HDAC9: variants seen among roughly 807,000 people sequenced by gnomAD.
HDAC9 encodes MEF-2 interacting transcription repressor (MITR) protein.
HDAC9 carries 41 observed loss-of-function variants against 139.4 expected under a neutral mutation model. That is an observed-to-expected ratio of 0.29 (90% confidence interval 0.23 to 0.38). The LOEUF is 0.38. Among genes scored for constraint, HDAC9 ranks in the 10% least tolerant of loss-of-function variants. HDAC9 has a pLI of 1.00. For missense variants in HDAC9, 1,147 were observed against 1,297.0 expected, an observed-to-expected ratio of 0.88 and a Z score of 1.78; for synonymous variants, 517 against 476.2, an observed-to-expected ratio of 1.09 and a Z score of -1.12.
intron 12 of HDAC9, among the ~76,000 whole-genome samples, chr7:18,717,822 A>C (rs988710373): frequency 6.6e-6 from 1 of 152,228 alleles, no homozygotes; most frequent in Non-Finnish European, 1.5e-5. Flanking sequence ...CACTACATAA[A>C]TATGTGATAT....
intron 2 of HDAC9, among the ~76,000 whole-genome samples, chr7:18,527,933 A>C (rs1402677483): frequency 5.3e-5 from 8 of 152,132 alleles, no homozygotes; most frequent in Non-Finnish European, 1.0e-4. Context: ...ACTGATCCAT[A>C]AAAACTGGAT....
chr7:18,947,622 A>C (rs1782496980), intron 23 of HDAC9, among the ~76,000 whole-genome samples: 1 of 151,994 alleles, frequency 6.6e-6, no homozygotes, highest in Non-Finnish European at 1.5e-5. Context: ...TAAATTTACC[A>C]GGAGAAAACA....
chr7:18,778,684 AC>A (rs1380321542), intron 16 of HDAC9, among the ~76,000 whole-genome samples: 1 of 151,988 alleles, frequency 6.6e-6, no homozygotes, highest in Non-Finnish European at 1.5e-5. Context: ...TGGCCACATA[AC>A]CCACAGGAAT....
intron 1 of HDAC9, among the ~76,000 whole-genome samples, chr7:18,416,545 G>C (rs746589386): frequency 5.3e-5 from 8 of 152,026 alleles, no homozygotes; most frequent in Non-Finnish European, 1.0e-4. Context: ...TATTTTCTCT[G>C]TGGGAAGGTG....
intron 22 of HDAC9, among the ~76,000 whole-genome samples, chr7:18,893,751 G>A (rs375812730): frequency 6.6e-6 from 1 of 152,148 alleles, no homozygotes; most frequent in South Asian, 2.1e-4. Context: ...CGCAGGGAAA[G>A]GGTCAGATTT....
intron 2 of HDAC9, among the ~76,000 whole-genome samples, chr7:18,240,384 C>A (rs983340333): frequency 1.3e-5 from 2 of 152,052 alleles, no homozygotes; most frequent in African/African-American, 4.8e-5. Flanking sequence ...AAAGTACCTT[C>A]CTTGTATTGG....
At chr7:18,492,639 A>G (rs1796456324), upstream of HDAC9, among the ~76,000 whole-genome samples, 1 of 151,962 alleles carries the variant, frequency 6.6e-6, no homozygotes, top group African/African-American at 2.4e-5. Flanking sequence ...TAAACTACCC[A>G]TCTACCTAGC....
At chr7:18,393,751 TG>T (rs1207571157) in intron 1 of HDAC9, among the ~76,000 whole-genome samples, 2 of 152,188 alleles carry the variant, frequency 1.3e-5, no homozygotes, top group Non-Finnish European at 2.9e-5. Flanking sequence ...TTTGATTTTT[TG>T]TGTTTTGTGT....
chr7:18,538,304 C>T (rs1232763504), intron 2 of HDAC9, among the ~76,000 whole-genome samples: 1 of 152,082 alleles, frequency 6.6e-6, no homozygotes, highest in Non-Finnish European at 1.5e-5. Flanking sequence ...CACAGCTCAG[C>T]CACAGCCTTG....
At chr7:18,987,147 G>C (rs1051596035) in intron 25 of HDAC9, among the ~76,000 whole-genome samples, 1 of 152,226 alleles carries the variant, frequency 6.6e-6, no homozygotes, top group South Asian at 2.1e-4. Context: ...GCTTGTGCCA[G>C]TGTTCAAAGG....
chr7:18,769,206 A>G (rs17139894), intron 16 of HDAC9, among the ~76,000 whole-genome samples: 2,783 of 152,236 alleles, frequency 0.018, 81 homozygotes, highest in African/African-American at 0.057. Flanking sequence ...TTAATTCACT[A>G]TCCCTTCAAT....
At chr7:18,338,686 T>A (rs1446507400) in intron 1 of HDAC9, among the ~76,000 whole-genome samples, 1 of 151,578 alleles carries the variant, frequency 6.6e-6, no homozygotes, top group African/African-American at 2.4e-5. Flanking sequence ...TATATAGTGT[T>A]GTATTCTATT....
intron 21 of HDAC9, among the ~76,000 whole-genome samples, chr7:18,858,249 A>G (rs13347372): frequency 0.022 from 3,288 of 152,272 alleles, 124 homozygotes; most frequent in African/African-American, 0.075. Flanking sequence ...GGCTGCTGTG[A>G]AGAAATACCC....
chr7:18,686,292 A>T (rs1320991442), intron 12 of HDAC9, among the ~76,000 whole-genome samples: 1 of 152,016 alleles, frequency 6.6e-6, no homozygotes, highest in South Asian at 2.1e-4. Context: ...AATTATTTTC[A>T]TGGTAATGTT....
At chr7:18,492,494 A>G (rs1796444307), upstream of HDAC9, among the ~76,000 whole-genome samples, 1 of 151,952 alleles carries the variant, frequency 6.6e-6, no homozygotes, top group South Asian at 2.1e-4. Context: ...TAAATTGAGA[A>G]CCTGAGATTT....
chr7:18,499,724 T>C (rs760777500), intron 2 of HDAC9, among the ~76,000 whole-genome samples: 38 of 152,186 alleles, frequency 2.5e-4, no homozygotes, highest in Admixed American at 6.5e-4. Flanking sequence ...ATGTAAGATA[T>C]ATTTACAATA....
At chr7:18,128,858 T>G (rs76042712) in intron 1 of HDAC9, among the ~76,000 whole-genome samples, 24,133 of 151,934 alleles carry the variant, frequency 0.16, 2,266 homozygotes, top group South Asian at 0.34. Flanking sequence ...CTCTCTTTTT[T>G]TCTCCCTCCC....
At chr7:18,901,577 G>T (rs543521288) in intron 22 of HDAC9, among the ~76,000 whole-genome samples, 3 of 152,138 alleles carry the variant, frequency 2.0e-5, no homozygotes, top group African/African-American at 7.2e-5. Context: ...GAATCTCTAT[G>T]ATTATGGAGA....
chr7:18,455,960 T>C (rs1034520513), intron 1 of HDAC9, among the ~76,000 whole-genome samples: 12 of 152,190 alleles, frequency 7.9e-5, no homozygotes, highest in African/African-American at 2.2e-4. Flanking sequence ...AAGGAAATTA[T>C]TTCTAAAAGA....
Sources: gnomAD v4.1 joint callset for allele counts (sites outside exome capture counted in the v4.1 genomes callset) on GRCh38, gnomAD v4.1.1 for gene constraint, MANE v1.5 for transcripts, NCBI Gene and HGNC (gene_info 2026-07-23, HGNC 2026-07-21) for gene names.